The following PRKCE variants were observed in gnomAD, a reference collection of about 807,000 sequenced individuals.
PRKCE encodes protein kinase C epsilon.
In PRKCE, 16 loss-of-function variants were observed where a neutral mutation model predicts 85.4. The observed-to-expected ratio is 0.19, with a 90% CI of 0.13 to 0.28. PRKCE has a LOEUF of 0.28. Among genes scored for constraint, PRKCE ranks in the 10% least tolerant of loss-of-function variants. The probability of loss-of-function intolerance (pLI) is 1.00; values close to 1 mark genes in which losing one functional copy is unlikely to be tolerated. For synonymous variants in PRKCE, 388 were observed against 371.5 expected, an observed-to-expected ratio of 1.04 and a Z score of -0.51; for missense variants, 573 against 975.2, an observed-to-expected ratio of 0.59 and a Z score of 5.49.
intron 2 of PRKCE, among the ~76,000 whole-genome samples, chr2:45,948,456 A>T (rs1700387696): frequency 6.6e-6 from 1 of 152,154 alleles, no homozygotes; most frequent in Admixed American, 6.5e-5. Context: ...CCTGGGCAAC[A>T]CACTGAGACC....
intron 14 of PRKCE, among the ~76,000 whole-genome samples, chr2:46,171,463 C>T (rs953851086): frequency 1.3e-5 from 2 of 152,204 alleles, no homozygotes; most frequent in Admixed American, 6.5e-5. Flanking sequence ...CACAGTGCTG[C>T]GTGTCTTTGT....
At chr2:46,005,208 T>C (rs1365009391) in intron 8 of PRKCE, among the ~76,000 whole-genome samples, 1 of 152,150 alleles carries the variant, frequency 6.6e-6, no homozygotes, top group Non-Finnish European at 1.5e-5. Flanking sequence ...CCTCTACAGC[T>C]CCAGATATCT....
At chr2:46,103,161 A>G (rs1231878388) in intron 11 of PRKCE, among the ~76,000 whole-genome samples, 1 of 152,194 alleles carries the variant, frequency 6.6e-6, no homozygotes, top group Non-Finnish European at 1.5e-5. Flanking sequence ...ATTCAATACT[A>G]CTTTATTTTG....
chr2:45,776,950 A>G (rs776393244), intron 1 of PRKCE, among the ~76,000 whole-genome samples: 7 of 152,182 alleles, frequency 4.6e-5, no homozygotes, highest in Non-Finnish European at 8.8e-5. Context: ...TTTTTTTGAT[A>G]TAACTAAAAA....
chr2:45,884,997 A>G (rs199990637), intron 2 of PRKCE, among the ~76,000 whole-genome samples: 5,488 of 69,580 alleles, frequency 0.079, 620 homozygotes, highest in Non-Finnish European at 0.11. Context: ...ATATATATAT[A>G]TATATTTGTT....
At chr2:45,990,701 C>G (rs1320982005) in intron 6 of PRKCE, among the ~76,000 whole-genome samples, 2 of 151,004 alleles carry the variant, frequency 1.3e-5, no homozygotes, top group African/African-American at 4.9e-5. Flanking sequence ...GTTGCCCAGG[C>G]TGGAGTGCAG....
At chr2:45,937,718 GAA>G (rs557911422) in intron 2 of PRKCE, among the ~76,000 whole-genome samples, 1 of 141,812 alleles carries the variant, frequency 7.1e-6, no homozygotes, top group Non-Finnish European at 1.6e-5. Context: ...CCGTCTCAAA[GAA>G]AAAAAAAAAG....
At chr2:45,993,142 T>C (rs1703942748) in intron 6 of PRKCE, among the ~76,000 whole-genome samples, 1 of 147,168 alleles carries the variant, frequency 6.8e-6, no homozygotes, top group Non-Finnish European at 1.5e-5. Flanking sequence ...TGCTCCCCAG[T>C]AGTGTTGTGA....
intron 2 of PRKCE, among the ~76,000 whole-genome samples, chr2:45,885,020 G>GTTGTTT (rs1695193890): frequency 1.1e-5 from 1 of 91,054 alleles, no homozygotes; most frequent in African/African-American, 4.2e-5. Context: ...TGTTGTTGTT[G>GTTGTTT]TTTTACCAAG....
intron 2 of PRKCE, among the ~76,000 whole-genome samples, chr2:45,960,002 C>T (rs772711523): frequency 7.2e-5 from 11 of 152,210 alleles, no homozygotes; most frequent in Non-Finnish European, 1.3e-4. Flanking sequence ...AAATTGGCCT[C>T]TCCTCTTCCT....
In PRKCE at chr2:46,151,314, C is replaced by CAT. The variant is rs1676609614; in HGVS notation, c.1920+86_1920+87insTA. The CAT allele has an allele frequency of 4.3e-6, 5 of 1,173,536 alleles. No individual in the cohort carries two copies. The South Asian group carries it at 4.3e-5, about 10-fold the overall frequency. 72.7% of individuals were successfully genotyped at this position (1,173,536 alleles called of 1,614,324 possible). ...ACACACACACACACACACACACACACACACACACACTCCCTTCTCCCTTTC... is the reference window on the plus strand; with the variant it reads ...ACACACACACACACACACACACACACATACACACACACTCCCTTCTCCCTTTC... On this transcript the variant is annotated intron_variant, in intron 13 of 14. Transcript: ENST00000306156.
At chr2:45,692,813 C>G (rs1677845555) in intron 1 of PRKCE, among the ~76,000 whole-genome samples, 1 of 152,146 alleles carries the variant, frequency 6.6e-6, no homozygotes. Flanking sequence ...TCGGTCCATT[C>G]TAAATGCTCT....
At position 45,671,953 on chromosome 2, in the gene PRKCE, C is replaced by T. The variant is rs537804050; in HGVS notation, c.348+19505C>T. On this transcript the variant is annotated intron_variant, in intron 1 of 14. Transcript: ENST00000306156. ...CGGCATGCACCTGTGGCCCCGGCTA[C>T]TTGGGAGGCTGAGGCAGGAGGATCA... Among the ~76,000 whole-genome samples the T allele has an allele frequency of 2.7e-5, 4 of 150,830 alleles. No homozygotes were observed. The East Asian group carries it at 5.9e-4, about 22-fold the overall frequency.
chr2:45,959,793 A>C (rs1324065425), intron 2 of PRKCE, among the ~76,000 whole-genome samples: 3 of 152,244 alleles, frequency 2.0e-5, no homozygotes, highest in Admixed American at 6.5e-5. Context: ...GGGTCCACAC[A>C]AATGAGCTAA....
rs34888247 is a variant in PRKCE, at chr2:45,653,370, G to GTTTTTTTTTTTTTTTTTTT, written c.348+929_348+947dup. Among the ~76,000 whole-genome samples, 9 of 61,464 alleles carry GTTTTTTTTTTTTTTTTTTT rather than the reference G, an allele frequency of 1.5e-4. 1 individual carries two copies. Among genetic ancestry groups the GTTTTTTTTTTTTTTTTTTT allele is most frequent in the Non-Finnish European group, 2.1e-4 (7 of 33,564 alleles). 40.3% of individuals were successfully genotyped at this position (61,464 alleles called of 152,430 possible). A position where few individuals can be genotyped will look rare whatever the true frequency, so the allele number is the denominator to read the frequency against. ...TGCTTTTTGTGTTTGTTTTTGGGTT[G>GTTTTTTTTTTTTTTTTTTT]TTTTTTTTTTTTTTTTTTTTTTTTT... On this transcript the variant is annotated intron_variant, in intron 1 of 14. Transcript: ENST00000306156.
intron 1 of PRKCE, among the ~76,000 whole-genome samples, chr2:45,784,373 G>T (rs1686431055): frequency 6.6e-6 from 1 of 152,238 alleles, no homozygotes; most frequent in South Asian, 2.1e-4. Flanking sequence ...GAAGAAGTGG[G>T]CTGGCTGTGA....
intron 1 of PRKCE, among the ~76,000 whole-genome samples, chr2:45,660,385 C>T (rs1162283553): frequency 2.0e-5 from 3 of 152,112 alleles, no homozygotes; most frequent in South Asian, 2.1e-4. Context: ...GAAGAATCTC[C>T]GTCAAGTCTG....
chr2:45,735,525 G>C (rs1681982635), intron 1 of PRKCE, among the ~76,000 whole-genome samples: 1 of 152,184 alleles, frequency 6.6e-6, no homozygotes. Context: ...TGGTGGTAAT[G>C]GTAGCATTCA....
rs192856600 is a variant in PRKCE, at chr2:46,126,933, G to T, written c.1593-18160G>T. Among the ~76,000 whole-genome samples, 143 of 152,314 alleles carry T rather than the reference G, an allele frequency of 9.4e-4. 1 individual carries two copies. The highest frequency in any genetic ancestry group is 3.3e-3 in the African/African-American group (139 of 41,574). ...GTTTACAGTTTTCTTAAGACCCAAC[G>T]TTAACAGACTTGTCCTAGGTGAGCT... On this transcript the variant is annotated intron_variant, in intron 11 of 14. Transcript: ENST00000306156.
Sources: gnomAD v4.1 joint callset for allele counts (sites outside exome capture counted in the v4.1 genomes callset) on GRCh38, gnomAD v4.1.1 for gene constraint, MANE v1.5 for transcripts, NCBI Gene and HGNC (gene_info 2026-07-23, HGNC 2026-07-21) for gene names.